The following SNX13 variants were observed in gnomAD, a reference collection of about 807,000 sequenced individuals.
SNX13 encodes the protein sorting nexin 13.
Under a neutral mutation model 133.6 loss-of-function variants are expected in SNX13, and 45 were observed. The ratio of observed to expected loss-of-function variants is 0.34; its 90% confidence interval spans 0.27 to 0.43. SNX13 has a LOEUF of 0.43. Among genes scored for constraint, SNX13 ranks in the 20% least tolerant of loss-of-function variants. The probability of loss-of-function intolerance (pLI) is 1.00; values close to 1 mark genes in which losing one functional copy is unlikely to be tolerated. For synonymous variants in SNX13, 414 were observed against 373.9 expected (o/e 1.11, Z -1.24); for missense variants, 1,032 against 1,145.1 (o/e 0.90, Z 1.43).
chr7:17,852,858 T>A (rs1252853839), intron 9 of SNX13, among the ~76,000 whole-genome samples: 1 of 152,218 alleles, frequency 6.6e-6, no homozygotes, highest in Non-Finnish European at 1.5e-5. Flanking sequence ...TACATGGATA[T>A]TTCATCCACA....
Position 17,793,812 on chromosome 7 carries a change from C to T in SNX13, c.*233G>A. The T allele has an allele frequency of 2.5e-6, 1 of 402,410 alleles. No homozygotes were observed. Among genetic ancestry groups the T allele is most frequent in the Non-Finnish European group, 4.4e-6 (1 of 229,632 alleles). The allele number at this position is 402,410 out of a possible 1,614,324, so 24.9% of individuals were successfully genotyped here. On this transcript the variant is annotated 3_prime_UTR_variant, in exon 26 of 26. Coordinates refer to ENST00000428135, the MANE Select transcript of SNX13 (RefSeq NM_015132.5). ...TCTTGCTTGAGATGGGGGCAGTTTT[C>T]TCTCAATGTTGCAAAATATGCACCA...
intron 16 of SNX13, among the ~76,000 whole-genome samples, chr7:17,828,953 G>A (rs1459006941): frequency 1.3e-5 from 2 of 151,364 alleles, no homozygotes; most frequent in Non-Finnish European, 3.0e-5. Context: ...CAAGCTCTAG[G>A]AGCAATTCCT....
intron 16 of SNX13, among the ~76,000 whole-genome samples, chr7:17,829,694 A>G (rs1361851040): frequency 6.6e-6 from 1 of 151,368 alleles, no homozygotes; most frequent in Admixed American, 6.6e-5. Flanking sequence ...GCAATTTAGT[A>G]ATCATAGTAA....
intron 5 of SNX13, among the ~76,000 whole-genome samples, chr7:17,885,359 G>A (rs1179586241): frequency 6.6e-6 from 1 of 151,150 alleles, no homozygotes; most frequent in Non-Finnish European, 1.5e-5. Flanking sequence ...ACGCAGAAGT[G>A]ACTGACAATG....
chr7:17,928,247 C>T (rs767889737), intron 1 of SNX13, among the ~76,000 whole-genome samples: 150 of 152,134 alleles, frequency 9.9e-4, no homozygotes, highest in Non-Finnish European at 1.6e-3. Context: ...GATGTAGCCC[C>T]AGCTACTCAG....
At chr7:17,825,345 A>C (rs1787785285) in intron 17 of SNX13, among the ~76,000 whole-genome samples, 1 of 151,944 alleles carries the variant, frequency 6.6e-6, no homozygotes, top group Non-Finnish European at 1.5e-5. Context: ...TGTAAGCATG[A>C]AACTGAATTA....
intron 1 of SNX13, among the ~76,000 whole-genome samples, chr7:17,916,187 G>GAGAC (rs1472758552): frequency 8.2e-6 from 1 of 121,886 alleles, no homozygotes; most frequent in African/African-American, 3.3e-5. Context: ...CTACACCAAG[G>GAGAC]AGATAGACGT....
chr7:17,820,848 A>T (rs1040851924), intron 18 of SNX13, among the ~76,000 whole-genome samples: 1 of 152,134 alleles, frequency 6.6e-6, no homozygotes, highest in African/African-American at 2.4e-5. Context: ...AATTTCATAG[A>T]TCATTTATTC....
intron 17 of SNX13, among the ~76,000 whole-genome samples, chr7:17,823,931 C>T (rs1014816649): frequency 6.6e-6 from 1 of 151,892 alleles, no homozygotes; most frequent in African/African-American, 2.4e-5. Flanking sequence ...AAAGAATAAT[C>T]AGGATTTGTC....
At chr7:17,858,634 G>A (rs1361223076) in intron 9 of SNX13, among the ~76,000 whole-genome samples, 1 of 152,018 alleles carries the variant, frequency 6.6e-6, no homozygotes, top group Non-Finnish European at 1.5e-5. Flanking sequence ...CTAAACGTTT[G>A]ATAAATTTTA....
intron 1 of SNX13, among the ~76,000 whole-genome samples, chr7:17,926,216 G>T (rs1800740598): frequency 6.6e-6 from 1 of 152,050 alleles, no homozygotes; most frequent in Admixed American, 6.5e-5. Flanking sequence ...CTGTATAACG[G>T]GTGCTAGTGA....
intron 1 of SNX13, among the ~76,000 whole-genome samples, chr7:17,901,346 G>A (rs1416211028): frequency 2.0e-5 from 3 of 152,160 alleles, no homozygotes; most frequent in Admixed American, 6.5e-5. Context: ...TGGGTGGTGC[G>A]GTGGCTCCAA....
chr7:17,885,250 A>T (rs879791627), intron 5 of SNX13, among the ~76,000 whole-genome samples: 2 of 149,628 alleles, frequency 1.3e-5, no homozygotes, highest in Non-Finnish European at 3.0e-5. Context: ...GACCACATAT[A>T]TTATTTCATT....
intron 5 of SNX13, among the ~76,000 whole-genome samples, chr7:17,877,821 G>A (rs1203794429): frequency 1.3e-5 from 2 of 151,822 alleles, no homozygotes; most frequent in South Asian, 2.1e-4. Context: ...AAACAGTACC[G>A]ATATCTTATC....
chr7:17,863,837 A>T (rs1276065162), intron 9 of SNX13, among the ~76,000 whole-genome samples: 1 of 152,182 alleles, frequency 6.6e-6, no homozygotes, highest in Non-Finnish European at 1.5e-5. Context: ...GACCCTTTGT[A>T]ATTAAGAGAA....
At chr7:17,849,333 T>C (rs1257584532) in intron 11 of SNX13, among the ~76,000 whole-genome samples, 1 of 152,192 alleles carries the variant, frequency 6.6e-6, no homozygotes, top group South Asian at 2.1e-4. Flanking sequence ...AAAATCCTAT[T>C]AGCACTATAT....
chr7:17,804,582 T>C (rs1784977194), intron 20 of SNX13, among the ~76,000 whole-genome samples: 1 of 151,960 alleles, frequency 6.6e-6, no homozygotes, highest in Admixed American at 6.6e-5. Context: ...GCAAAAATGG[T>C]ATAAAATTAA....
At chr7:17,848,995 A>T (rs1469403894) in intron 11 of SNX13, among the ~76,000 whole-genome samples, 1 of 152,182 alleles carries the variant, frequency 6.6e-6, no homozygotes, top group Non-Finnish European at 1.5e-5. Context: ...TCACCAGTGC[A>T]TTCCTACTTA....
intron 13 of SNX13, among the ~76,000 whole-genome samples, chr7:17,839,186 A>G (rs1789557764): frequency 6.7e-6 from 1 of 149,358 alleles, no homozygotes; most frequent in Non-Finnish European, 1.5e-5. Flanking sequence ...GCTATAGATT[A>G]TATATATTCT....
Sources: allele counts gnomAD v4.1 joint callset (sites outside exome capture counted in the v4.1 genomes callset), GRCh38; gene constraint gnomAD v4.1.1; transcripts MANE v1.5; gene names NCBI Gene and HGNC (gene_info 2026-07-23, HGNC 2026-07-21).